Variants in TSPAN5 observed in about 807,000 individuals in gnomAD.
TSPAN5 encodes tetraspanin 5.
TSPAN5 carries 10 observed loss-of-function variants against 37.1 expected under a neutral mutation model. The ratio of observed to expected loss-of-function variants is 0.27; its 90% CI spans 0.17 to 0.46. The LOEUF is 0.46. TSPAN5 is among the 20% of genes least tolerant of loss of function. The pLI is 1.00. For missense variants in TSPAN5, 195 were observed against 326.6 expected (o/e 0.60, Z 3.11); for synonymous variants, 110 against 118.9 (o/e 0.93, Z 0.48).
At chr4:98,603,854 C>G (rs748866856) in intron 1 of TSPAN5, among the ~76,000 whole-genome samples, 7 of 152,152 alleles carry the variant, frequency 4.6e-5, no homozygotes, top group Non-Finnish European at 8.8e-5. Context: ...GAAACCAGCT[C>G]CAGTCATCAG....
At chr4:98,517,774 G>A (rs1212529421) in intron 1 of TSPAN5, among the ~76,000 whole-genome samples, 1 of 152,128 alleles carries the variant, frequency 6.6e-6, no homozygotes, top group African/African-American at 2.4e-5. Context: ...CATGGAGGCT[G>A]CAAGTTTACA....
chr4:98,566,116 G>A (rs959960242), intron 1 of TSPAN5, among the ~76,000 whole-genome samples: 2 of 152,256 alleles, frequency 1.3e-5, no homozygotes, highest in Middle Eastern at 3.4e-3. Context: ...TCAGGGAACC[G>A]GTGAAAACGT....
intron 5 of TSPAN5, among the ~76,000 whole-genome samples, chr4:98,477,449 C>G (rs1355905257): frequency 6.6e-6 from 1 of 152,304 alleles, no homozygotes; most frequent in South Asian, 2.1e-4. Context: ...AAGAGCCCCA[C>G]AGCCTCCACC....
At chr4:98,573,184 G>T (rs943387463) in intron 1 of TSPAN5, among the ~76,000 whole-genome samples, 4 of 152,118 alleles carry the variant, frequency 2.6e-5, no homozygotes, top group African/African-American at 9.7e-5. Flanking sequence ...CTTTGACCAT[G>T]GCTATTAACC....
At chr4:98,638,654 C>T (rs1756906074) in intron 1 of TSPAN5, among the ~76,000 whole-genome samples, 2 of 152,314 alleles carry the variant, frequency 1.3e-5, no homozygotes, top group Middle Eastern at 6.8e-3. Context: ...TAGAGCACCA[C>T]CCTACAGGAA....
At chr4:98,589,062 ACT>A (rs914782848) in intron 1 of TSPAN5, among the ~76,000 whole-genome samples, 5 of 151,972 alleles carry the variant, frequency 3.3e-5, no homozygotes, top group African/African-American at 4.8e-5. Flanking sequence ...TTGGAACCAG[ACT>A]CCACACTCCT....
At chr4:98,499,942 G>C (rs1347821974) in intron 2 of TSPAN5, among the ~76,000 whole-genome samples, 3 of 151,962 alleles carry the variant, frequency 2.0e-5, no homozygotes, top group African/African-American at 7.3e-5. Flanking sequence ...TTACAGGTGT[G>C]AGCCACCGCG....
chr4:98,656,623 C>A (rs566387702), intron 1 of TSPAN5, among the ~76,000 whole-genome samples: 51 of 152,304 alleles, frequency 3.3e-4, no homozygotes, highest in African/African-American at 1.2e-3. Context: ...TCCCGGGAAT[C>A]ATGCACAACA....
At chr4:98,634,967 T>C (rs2110268985) in intron 1 of TSPAN5, among the ~76,000 whole-genome samples, 1 of 152,290 alleles carries the variant, frequency 6.6e-6, no homozygotes, top group South Asian at 2.1e-4. Flanking sequence ...CTGTGAGTGA[T>C]TTGACAGACC....
At chr4:98,655,172 T>C (rs1223913796) in intron 1 of TSPAN5, among the ~76,000 whole-genome samples, 1 of 152,022 alleles carries the variant, frequency 6.6e-6, no homozygotes, top group Non-Finnish European at 1.5e-5. Context: ...TTGTTTTTTG[T>C]TTTTTGTTTG....
At chr4:98,491,566 TA>T (rs2110269848) in intron 2 of TSPAN5, among the ~76,000 whole-genome samples, 1 of 152,114 alleles carries the variant, frequency 6.6e-6, no homozygotes, top group Admixed American at 6.5e-5. Flanking sequence ...TACCTGCCTG[TA>T]ATCCCAGCTA....
At position 98,544,656 on chromosome 4, in the gene TSPAN5, C is replaced by CAGATTAG. The variant is rs371736609; in HGVS notation, c.82-36929_82-36928insCTAATCT. Among the ~76,000 whole-genome samples, 144 of 152,198 alleles carry CAGATTAG rather than the reference C, an allele frequency of 9.5e-4. 2 individuals carry two copies. Among genetic ancestry groups the CAGATTAG allele is most frequent in the African/African-American group, 3.3e-3 (136 of 41,508 alleles). On this transcript the variant is annotated intron_variant, in intron 1 of 7. Transcript: ENST00000305798. ...AACAAGTACTAAAGGTGTGCGAAAG[C>CAGATTAG]AGAGGGAGGCATAAAATGAGATAGA... is the stretch of plus-strand genomic sequence containing the variant.
At chr4:98,500,510 G>T (rs935078180) in intron 2 of TSPAN5, among the ~76,000 whole-genome samples, 1 of 152,198 alleles carries the variant, frequency 6.6e-6, no homozygotes, top group South Asian at 2.1e-4. Flanking sequence ...AGCGTAGTGA[G>T]TGCAATGGAG....
At chr4:98,655,529 T>G (rs1419198528) in intron 1 of TSPAN5, among the ~76,000 whole-genome samples, 1 of 152,242 alleles carries the variant, frequency 6.6e-6, no homozygotes, top group East Asian at 1.9e-4. Flanking sequence ...CAATTTTATT[T>G]TACCAGAACT....
chr4:98,513,011 T>C (rs1212524059), intron 1 of TSPAN5, among the ~76,000 whole-genome samples: 1 of 152,060 alleles, frequency 6.6e-6, no homozygotes, highest in African/African-American at 2.4e-5. Flanking sequence ...CATCTGAAGG[T>C]TTCCCTGAGT....
At chr4:98,500,082 C>CAGTA (rs1335537142) in intron 2 of TSPAN5, 2 of 152,124 alleles carry the variant, frequency 1.3e-5, no homozygotes, top group Non-Finnish European at 2.9e-5. Context: ...TTCAGCATCT[C>CAGTA]AGTAATGTCT....
intron 1 of TSPAN5, among the ~76,000 whole-genome samples, chr4:98,565,827 C>G (rs1167831638): frequency 6.6e-6 from 1 of 152,154 alleles, no homozygotes; most frequent in African/African-American, 2.4e-5. Context: ...CCTGCATGCC[C>G]CATTCAGACA....
At chr4:98,598,775 A>G (rs1755816664) in intron 1 of TSPAN5, among the ~76,000 whole-genome samples, 1 of 152,032 alleles carries the variant, frequency 6.6e-6, no homozygotes, top group Admixed American at 6.6e-5. Flanking sequence ...GCCCCTCCTA[A>G]ATTTTTTATG....
intron 1 of TSPAN5, among the ~76,000 whole-genome samples, chr4:98,508,814 C>G (rs1340955983): frequency 6.6e-6 from 1 of 152,082 alleles, no homozygotes; most frequent in Non-Finnish European, 1.5e-5. Context: ...TGTGAGCCAC[C>G]ACTCCCGGAC....
Sources: allele counts gnomAD v4.1 joint callset (sites outside exome capture counted in the v4.1 genomes callset), GRCh38; gene constraint gnomAD v4.1.1; transcripts MANE v1.5; gene names NCBI Gene and HGNC (gene_info 2026-07-23, HGNC 2026-07-21).